Variants in TC2N observed in about 807,000 individuals in gnomAD.
TC2N encodes the protein tandem C2 domains, nuclear, also known as tandem C2 domains nuclear protein.
TC2N carries 51 observed loss-of-function variants against 61.9 expected under a neutral mutation model. The ratio of observed to expected loss-of-function variants is 0.82; its 90% CI spans 0.66 to 1.04. TC2N has a LOEUF of 1.04. TC2N is among the 50% of genes least tolerant of loss of function. The pLI, the probability that TC2N is intolerant of heterozygous loss-of-function variation, is 0.00. For synonymous variants in TC2N, 204 were observed against 192.6 expected (o/e 1.06, Z -0.49); for missense variants, 556 against 566.7 (o/e 0.98, Z 0.19).
intron 11 of TC2N, 24 bp from the exon 12 acceptor site, chr14:91,783,234 C>T (rs1377194485): frequency 1.5e-6 from 2 of 1,331,038 alleles, no homozygotes; most frequent in African/African-American, 2.9e-5. Context: ...TATGTACAAT[C>T]ATTTAACTTG....
At chr14:91,838,945 T>C (rs926696057) in intron 1 of TC2N, among the ~76,000 whole-genome samples, 7 of 152,218 alleles carry the variant, frequency 4.6e-5, no homozygotes, top group Admixed American at 3.9e-4. Context: ...AGGATCGTCC[T>C]CAAAATACTA....
chr14:91,851,832 G>T (rs1005516129), intron 1 of TC2N, among the ~76,000 whole-genome samples: 1 of 152,178 alleles, frequency 6.6e-6, no homozygotes, highest in Non-Finnish European at 1.5e-5. Flanking sequence ...TCTATACGTG[G>T]TGGAGTCTAG....
intron 1 of TC2N, among the ~76,000 whole-genome samples, chr14:91,853,776 T>C (rs1888424715): frequency 6.6e-6 from 1 of 152,104 alleles, no homozygotes; most frequent in Non-Finnish European, 1.5e-5. Flanking sequence ...TAAAAATCAT[T>C]TCTATGGGCT....
intron 9 of TC2N, among the ~76,000 whole-genome samples, chr14:91,789,846 T>C (rs1885559428): frequency 6.6e-6 from 1 of 152,248 alleles, no homozygotes; most frequent in Admixed American, 6.5e-5. Context: ...TGCTCCTGAA[T>C]AATGTATCCT....
intron 6 of TC2N, 53 bp from the exon 7 acceptor site, chr14:91,798,452 C>T (rs1231091210): frequency 1.1e-5 from 11 of 975,410 alleles, no homozygotes; most frequent in Non-Finnish European, 1.6e-5. Flanking sequence ...CCTTCTAACC[C>T]AATTAAGCTT....
At chr14:91,819,440 C>T (rs1426189124) in intron 1 of TC2N, among the ~76,000 whole-genome samples, 1 of 152,008 alleles carries the variant, frequency 6.6e-6, no homozygotes, top group Non-Finnish European at 1.5e-5. Flanking sequence ...ACCCATCAAC[C>T]TAGAATTTGA....
chr14:91,814,953 AATAC>A (rs765744086), intron 1 of TC2N, among the ~76,000 whole-genome samples: 27 of 151,426 alleles, frequency 1.8e-4, no homozygotes, highest in Non-Finnish European at 3.5e-4. Context: ...GTATACAATA[AATAC>A]ATACAATTTG....
intron 1 of TC2N, among the ~76,000 whole-genome samples, chr14:91,823,530 A>G (rs34503973): frequency 0.65 from 70,654 of 108,862 alleles, 18,096 homozygotes; most frequent in Admixed American, 0.69. Context: ...CAAAAAAAAA[A>G]AAAAAGAAAA....
At chr14:91,793,774 A>G (rs1430473930) in intron 8 of TC2N, among the ~76,000 whole-genome samples, 1 of 152,138 alleles carries the variant, frequency 6.6e-6, no homozygotes, top group African/African-American at 2.4e-5. Flanking sequence ...AAGACACAAC[A>G]ATATTGAAAT....
At chr14:91,835,660 A>T (rs1052714615) in intron 1 of TC2N, among the ~76,000 whole-genome samples, 4 of 152,360 alleles carry the variant, frequency 2.6e-5, no homozygotes, top group Admixed American at 2.0e-4. Flanking sequence ...GAAGAAATAG[A>T]AGTCAAATCT....
chr14:91,800,371 A>G lies in TC2N; in HGVS notation c.471T>C (p.Val157=), dbSNP rs1886168302. Residue 157 remains valine (V), a splice_region_variant and synonymous_variant, in exon 5 of 12, where the codon GTT becomes GTC. Transcript: ENST00000435962. ...RSEVKRLYGS[V]CDLRTNKLPG... Reference sequence around the variant, plus strand: ...GAAGTTTGTTCGTCCTTAAATCACAAACTACAAAGGGATATGAGAAAAGTA... The same window carrying G: ...GAAGTTTGTTCGTCCTTAAATCACAGACTACAAAGGGATATGAGAAAAGTA... The G allele has an allele frequency of 1.9e-6, 3 of 1,574,902 alleles. No homozygotes were observed. In the East Asian group the frequency reaches 6.8e-5, roughly 36 times the overall value.
chr14:91,845,543 C>G (rs1360725083), intron 1 of TC2N, among the ~76,000 whole-genome samples: 1 of 152,208 alleles, frequency 6.6e-6, no homozygotes, highest in Non-Finnish European at 1.5e-5. Context: ...TTGACTTGTT[C>G]TGGACAGAAT....
intron 3 of TC2N, among the ~76,000 whole-genome samples, chr14:91,804,505 A>G (rs1292020975): frequency 6.6e-6 from 1 of 152,206 alleles, no homozygotes; most frequent in East Asian, 1.9e-4. Context: ...ATAATATGCT[A>G]CACAGAAACA....
intron 3 of TC2N, among the ~76,000 whole-genome samples, chr14:91,802,748 G>A (rs1038237694): frequency 6.6e-6 from 1 of 151,262 alleles, no homozygotes; most frequent in Non-Finnish European, 1.5e-5. Flanking sequence ...CAAGATTGGG[G>A]GGGGAGATAC....
At chr14:91,785,006 G>T (rs1455690777) in intron 11 of TC2N, among the ~76,000 whole-genome samples, 156 bp downstream of exon 11, 2 of 152,078 alleles carry the variant, frequency 1.3e-5, no homozygotes, top group Non-Finnish European at 2.9e-5. Flanking sequence ...AAAGCAAAAA[G>T]TCTGACAAGT....
chr14:91,857,948 T>G (rs1888513698), intron 1 of TC2N, among the ~76,000 whole-genome samples: 1 of 150,758 alleles, frequency 6.6e-6, no homozygotes, highest in African/African-American at 2.4e-5. Context: ...AATATTTGGG[T>G]TTTTGTTGTT....
chr14:91,802,253 C>A lies in TC2N; in HGVS notation c.469+1G>T. The stretch of plus-strand genomic sequence containing the variant: ...AGGAAAAGCACAAAAGATCTTCATA[C>A]CCGATCCATACAGTCTCTTCACTTC... On this transcript the variant is annotated splice_donor_variant, in intron 4 of 11. Transcript: ENST00000435962. LOFTEE classifies it high-confidence loss of function. 1 of 1,538,188 alleles carries A rather than the reference C, an allele frequency of 6.5e-7. No homozygotes were observed.
At chr14:91,813,665 T>A in intron 2 of TC2N, 38 bp downstream of exon 2, 1 of 1,393,856 alleles carries the variant, frequency 7.2e-7, no homozygotes. Context: ...ATGAAGAAGA[T>A]GCTACATAAA....
chr14:91,800,941 G>GAT (rs544510219), intron 4 of TC2N, among the ~76,000 whole-genome samples: 26 of 101,576 alleles, frequency 2.6e-4, no homozygotes, highest in African/African-American at 3.2e-4. Flanking sequence ...GGTTGAGAGA[G>GAT]ATATATATAT....
Sources: allele counts gnomAD v4.1 joint callset (sites outside exome capture counted in the v4.1 genomes callset), GRCh38; gene constraint gnomAD v4.1.1; transcripts MANE v1.5; gene names NCBI Gene and HGNC (gene_info 2026-07-23, HGNC 2026-07-21).